Variants in CFAP299 observed in about 807,000 individuals in gnomAD.
The protein encoded by CFAP299 is cilia and flagella associated protein 299.
A neutral mutation model predicts 27.0 loss-of-function variants in CFAP299; 21 were observed. The ratio of observed to expected loss-of-function variants is 0.78; its 90% CI spans 0.55 to 1.12. The LOEUF is 1.12. Ranked by LOEUF, CFAP299 falls within the 50% of genes most tolerant of loss-of-function variation. CFAP299 has a pLI of 0.00. For synonymous variants in CFAP299, 104 were observed against 98.1 expected (o/e 1.06, Z -0.36); for missense variants, 310 against 276.6 (o/e 1.12, Z -0.86).
chr4:80,584,250 A>G (rs1736320197), intron 3 of CFAP299, among the ~76,000 whole-genome samples: 1 of 152,048 alleles, frequency 6.6e-6, no homozygotes, highest in Non-Finnish European at 1.5e-5. Context: ...CAGAAATGTC[A>G]ATGGAAAAGT....
intron 3 of CFAP299, among the ~76,000 whole-genome samples, chr4:80,801,749 T>C (rs1728617942): frequency 6.6e-6 from 1 of 152,076 alleles, no homozygotes; most frequent in South Asian, 2.1e-4. Flanking sequence ...AATAAGCTGT[T>C]GATCACTTTG....
intron 4 of CFAP299, among the ~76,000 whole-genome samples, chr4:80,927,074 A>G (rs1429400595): frequency 2.0e-5 from 3 of 152,046 alleles, no homozygotes; most frequent in South Asian, 4.1e-4. Flanking sequence ...ATAGACATAC[A>G]TATTTTCCAT....
intron 3 of CFAP299, among the ~76,000 whole-genome samples, chr4:80,752,719 C>T (rs1725006697): frequency 6.6e-6 from 1 of 151,656 alleles, no homozygotes; most frequent in Admixed American, 6.6e-5. Flanking sequence ...TTCTCTGCCT[C>T]CTTTTGTATG....
chr4:80,374,880 G>A (rs1174891180), intron 2 of CFAP299, among the ~76,000 whole-genome samples: 1 of 151,772 alleles, frequency 6.6e-6, no homozygotes, highest in Non-Finnish European at 1.5e-5. Context: ...TCTTTTATAT[G>A]TTTGCATATG....
At chr4:80,532,754 C>T (rs1357677418) in intron 2 of CFAP299, among the ~76,000 whole-genome samples, 1 of 151,966 alleles carries the variant, frequency 6.6e-6, no homozygotes. Flanking sequence ...TTATAAATCT[C>T]TGTGTTATTA....
intron 4 of CFAP299, among the ~76,000 whole-genome samples, chr4:80,927,736 T>A (rs953818251): frequency 2.0e-5 from 3 of 152,142 alleles, no homozygotes; most frequent in African/African-American, 7.2e-5. Flanking sequence ...CTTCTCATGC[T>A]TTGAATTTCC....
intron 1 of CFAP299, among the ~76,000 whole-genome samples, chr4:80,353,151 C>A (rs929500715): frequency 1.3e-5 from 2 of 152,136 alleles, no homozygotes; most frequent in Admixed American, 6.5e-5. Flanking sequence ...AATTGACAAA[C>A]CCCTTACTAG....
At chr4:80,733,327 T>G (rs189824793) in intron 3 of CFAP299, among the ~76,000 whole-genome samples, 23 of 152,198 alleles carry the variant, frequency 1.5e-4, no homozygotes, top group Admixed American at 1.4e-3. Context: ...AATTTTTTAT[T>G]TTTGTGCATT....
At chr4:80,608,032 C>T (rs889252068) in intron 3 of CFAP299, among the ~76,000 whole-genome samples, 15 of 152,022 alleles carry the variant, frequency 9.9e-5, no homozygotes, top group Admixed American at 9.8e-4. Flanking sequence ...GAAAGCATTT[C>T]GTAGCCAAAG....
intron 2 of CFAP299, among the ~76,000 whole-genome samples, chr4:80,393,268 CAG>C (rs1446720235): frequency 3.3e-5 from 5 of 151,642 alleles, no homozygotes; most frequent in African/African-American, 1.2e-4. Flanking sequence ...ACAAAAGAGA[CAG>C]AAAAGTAAAA....
In CFAP299 at chr4:80,741,396, G is replaced by A. The variant is rs551713200; in HGVS notation, c.334-128597G>A. On this transcript the variant is annotated intron_variant, in intron 3 of 5. Coordinates refer to ENST00000358105, the MANE Select transcript of CFAP299 (RefSeq NM_152770.3). ...CCCAGACAAGGGTTCTTTAGTCAGC[G>A]GGTGATGAATGCTGCAAGGACTGAG... Among the ~76,000 whole-genome samples the A allele has an allele frequency of 6.4e-4, 97 of 152,154 alleles. 1 individual carries two copies. The highest frequency in any genetic ancestry group is 2.0e-3 in the African/African-American group (85 of 41,530).
At chr4:80,325,853 A>T in the CFAP299 span, among the ~76,000 whole-genome samples, 5 of 152,266 alleles carry the variant, frequency 3.3e-5, no homozygotes, top group African/African-American at 1.2e-4. Context: ...AGGGCCCTAT[A>T]CCTGAAATTG....
chr4:80,853,608 AC>A (rs1193822960), intron 3 of CFAP299, among the ~76,000 whole-genome samples: 1 of 152,144 alleles, frequency 6.6e-6, no homozygotes, highest in Non-Finnish European at 1.5e-5. Context: ...TTATCAGAAG[AC>A]CCATATGGCT....
At chr4:80,960,291 C>T (rs975349257) in intron 5 of CFAP299, among the ~76,000 whole-genome samples, 1 of 151,782 alleles carries the variant, frequency 6.6e-6, no homozygotes, top group Middle Eastern at 3.2e-3. Context: ...TTTGCTTTTT[C>T]ATGTCACTGC....
chr4:80,633,982 CTTTTTTT>C (rs1225649545), intron 3 of CFAP299, among the ~76,000 whole-genome samples: 4 of 115,166 alleles, frequency 3.5e-5, no homozygotes, highest in South Asian at 3.1e-4. Context: ...GAGGAGAAAA[CTTTTTTT>C]TTTTTTTTTT....
At chr4:80,820,103 T>C (rs879648035) in intron 3 of CFAP299, among the ~76,000 whole-genome samples, 47 of 152,154 alleles carry the variant, frequency 3.1e-4, no homozygotes, top group Non-Finnish European at 6.3e-4. Context: ...TTTAATACTA[T>C]GTAGATTTGT....
intron 3 of CFAP299, among the ~76,000 whole-genome samples, chr4:80,618,808 T>A (rs934655198): frequency 7.2e-5 from 11 of 152,032 alleles, no homozygotes; most frequent in Admixed American, 5.3e-4. Flanking sequence ...TTACTTAGTG[T>A]AATAAGGGTA....
chr4:80,747,052 A>C (rs1183667150), intron 3 of CFAP299, among the ~76,000 whole-genome samples: 1 of 152,010 alleles, frequency 6.6e-6, no homozygotes, highest in East Asian at 1.9e-4. Flanking sequence ...CAAGGAGCCT[A>C]AAGGAAATGC....
intron 5 of CFAP299, among the ~76,000 whole-genome samples, chr4:80,947,593 A>T (rs577838964): frequency 2.6e-5 from 4 of 152,216 alleles, no homozygotes; most frequent in African/African-American, 9.6e-5. Flanking sequence ...TTCTGCCTCG[A>T]CTGGGACCAG....
Sources: gnomAD v4.1 joint callset for allele counts (sites outside exome capture counted in the v4.1 genomes callset) on GRCh38, gnomAD v4.1.1 for gene constraint, MANE v1.5 for transcripts, NCBI Gene and HGNC (gene_info 2026-07-23, HGNC 2026-07-21) for gene names.